ELP1: variants seen among roughly 807,000 people sequenced by gnomAD.
The protein encoded by ELP1 is elongator acetyltransferase complex subunit 1.
In ELP1, 131 loss-of-function variants were observed where a neutral mutation model predicts 183.2. The observed-to-expected ratio is 0.72, with a 90% confidence interval of 0.62 to 0.83. The LOEUF is 0.83. Among genes scored for constraint, ELP1 ranks in the 40% least tolerant of loss-of-function variants. ELP1 has a pLI of 0.00. For missense variants in ELP1, 1,550 were observed against 1,594.9 expected (o/e 0.97, Z 0.48); for synonymous variants, 555 against 569.0 (o/e 0.98, Z 0.35).
intron 16 of ELP1, 59 bp downstream of exon 16, chr9:108,902,780 A>T: frequency 1.6e-6 from 2 of 1,272,804 alleles, no homozygotes; most frequent in Non-Finnish European, 2.3e-6. Flanking sequence ...CTTTCTACTT[A>T]ATGCCATCAG....
In ELP1 at chr9:108,877,698, T is replaced by C. The variant is rs1342795690; in HGVS notation, c.3855+297A>G. Among the ~76,000 whole-genome samples the C allele has an allele frequency of 2.0e-5, 3 of 152,030 alleles. 1 individual carries two copies. The highest frequency in any genetic ancestry group is 2.0e-4 in the Admixed American group (3 of 15,252). On this transcript the variant is annotated intron_variant, in intron 35 of 36. Transcript: ENST00000374647. ...CTCTGACCCCATCTTCCCCCATCTC[T>C]CCCCACTCCAACCTCATTGAAGGCC...
In ELP1 at chr9:108,878,262, T is replaced by C. The variant is rs934044357; in HGVS notation, c.3701-113A>G. ...TTTCTATGATCCCACTGCAGGTCCT[T>C]TCTCCCACATTATCTTTTTTCTTCC... On this transcript the variant is annotated intron_variant, in intron 34 of 36. Coordinates refer to ENST00000374647, the MANE Select transcript of ELP1 (RefSeq NM_003640.5). 4.8e-6 allele frequency: 4 copies of C among 835,240 alleles called. No individual in the cohort carries two copies. The African/African-American group carries it at 6.8e-5, about 14-fold the overall frequency. The allele number at this position is 835,240 out of a possible 1,614,324, so 51.7% of individuals were successfully genotyped here.
chr9:108,880,187 T>C (rs1035572109), intron 31 of ELP1, 22 bp from the exon 32 acceptor site: 3 of 1,489,220 alleles, frequency 2.0e-6, no homozygotes, highest in Non-Finnish European at 2.8e-6. Flanking sequence ...GAATGGAAAA[T>C]AGTTTGAGCA....
chr9:108,929,328 T>A (rs1406838452), intron 3 of ELP1, among the ~76,000 whole-genome samples: 2 of 152,224 alleles, frequency 1.3e-5, no homozygotes, highest in Non-Finnish European at 2.9e-5. Context: ...GTGCAGGTAA[T>A]GACAATGTAT....
At chr9:108,889,524 C>T (rs1828245102) in intron 28 of ELP1, 131 bp from the exon 29 acceptor site, 3 of 806,950 alleles carry the variant, frequency 3.7e-6, no homozygotes, top group African/African-American at 1.7e-5. Context: ...TAGGTATATA[C>T]ACCACAGAGT....
At chr9:108,909,582 G>A (rs1829137966) in intron 12 of ELP1, among the ~76,000 whole-genome samples, 1 of 152,154 alleles carries the variant, frequency 6.6e-6, no homozygotes, top group African/African-American at 2.4e-5. Flanking sequence ...TCTCCCCAGT[G>A]GGTTCTTTAA....
At chr9:108,926,069 C>T (rs1751362350) in intron 5 of ELP1, among the ~76,000 whole-genome samples, 1 of 152,216 alleles carries the variant, frequency 6.6e-6, no homozygotes, top group Admixed American at 6.5e-5. Flanking sequence ...TCCTGCACTG[C>T]CCTTCAATAC....
intron 20 of ELP1, among the ~76,000 whole-genome samples, chr9:108,899,124 C>T (rs1828671018): frequency 1.3e-5 from 2 of 150,240 alleles, no homozygotes; most frequent in South Asian, 4.2e-4. Context: ...TGGTGAAACC[C>T]TGTCTCTACT....
chr9:108,928,574 T>TG (rs1244380869), intron 3 of ELP1, among the ~76,000 whole-genome samples: 2 of 151,550 alleles, frequency 1.3e-5, no homozygotes, highest in Admixed American at 6.6e-5. Flanking sequence ...ACAGGAACAA[T>TG]GGGGGGATGA....
At chr9:108,896,089 C>T (rs1045719049) in intron 25 of ELP1, among the ~76,000 whole-genome samples, 1 of 152,088 alleles carries the variant, frequency 6.6e-6, no homozygotes, top group Non-Finnish European at 1.5e-5. Context: ...AACCCTGTCT[C>T]TACTAAAAAT....
intron 8 of ELP1, 47 bp from the exon 9 acceptor site, chr9:108,917,717 A>G (rs763611759): frequency 1.7e-5 from 27 of 1,605,064 alleles, no homozygotes; most frequent in Non-Finnish European, 2.2e-5. Flanking sequence ...TCACCTAACT[A>G]AAGAATAGAT....
At chr9:108,875,278 G>A (rs1366439832) in intron 35 of ELP1, among the ~76,000 whole-genome samples, 2 of 152,222 alleles carry the variant, frequency 1.3e-5, no homozygotes, top group Non-Finnish European at 2.9e-5. Flanking sequence ...TGAGGAAAGG[G>A]AAAAGAGTAA....
Position 108,908,019 on chromosome 9 carries a change from A to G in ELP1, c.1460+286T>C, listed in dbSNP as rs76814293. Among the ~76,000 whole-genome samples the G allele has an allele frequency of 2.0e-3, 297 of 152,302 alleles. 2 individuals are homozygous for G. The highest frequency in any genetic ancestry group is 6.7e-3 in the African/African-American group (280 of 41,558). ...AATGCAGCTCCGCCTTATCATTGTC[A>G]TCTCCATCTTTCCCACATGATTTTT... On this transcript the variant is annotated intron_variant, in intron 13 of 36. Transcript: ENST00000374647.
intron 33 of ELP1, 48 bp downstream of exon 33, chr9:108,879,398 C>T (rs762634390): frequency 2.1e-6 from 3 of 1,399,294 alleles, no homozygotes; most frequent in Non-Finnish European, 3.0e-6. Context: ...TCCACTTTCC[C>T]TATATGCCCA....
chr9:108,878,521 T>A, intron 34 of ELP1, 102 bp downstream of exon 34: 1 of 1,490,166 alleles, frequency 6.7e-7, no homozygotes, highest in Middle Eastern at 1.7e-4. Context: ...TTTCCTCAAA[T>A]TGGGAAAATG....
chr9:108,882,036 A>T (rs1827948745), intron 30 of ELP1, 89 bp downstream of exon 30: 2 of 1,075,216 alleles, frequency 1.9e-6, no homozygotes, highest in Admixed American at 3.4e-5. Context: ...CATGAACCTC[A>T]GAAGACAAGA....
At position 108,867,668 on chromosome 9, in the gene ELP1, A is replaced by G. The variant is rs1393085888; in HGVS notation, c.*1447T>C. On this transcript the variant is annotated 3_prime_UTR_variant, in exon 37 of 37. Transcript: ENST00000374647. ...TACAAAGTACTTGCAGCCTTTCAATATTGGGCACTTAATTACAGCAAACCC... is the reference window on the plus strand; with the variant it reads ...TACAAAGTACTTGCAGCCTTTCAATGTTGGGCACTTAATTACAGCAAACCC... The G allele has an allele frequency of 6.6e-6, 1 of 152,222 alleles. No individual in the cohort carries two copies. The highest frequency in any genetic ancestry group is 1.5e-5 in the Non-Finnish European group (1 of 68,038). The allele number at this position is 152,222 out of a possible 1,614,324, so 9.4% of individuals were successfully genotyped here.
In ELP1 at chr9:108,867,522, A is replaced by G. The variant is rs889003068; in HGVS notation, c.*1593T>C. Reference sequence around the variant, plus strand: ...GTCCAGGAAAATTCACACCATTATCAATAAACACATTTACTTCTATTTCCA... The same window carrying G: ...GTCCAGGAAAATTCACACCATTATCGATAAACACATTTACTTCTATTTCCA... On this transcript the variant is annotated 3_prime_UTR_variant, in exon 37 of 37. Transcript: ENST00000374647. The G allele has an allele frequency of 2.0e-5, 3 of 152,238 alleles. No individual in the cohort carries two copies. Among genetic ancestry groups the G allele is most frequent in the Non-Finnish European group, 4.4e-5 (3 of 68,036 alleles). 9.4% of individuals were successfully genotyped at this position (152,238 alleles called of 1,614,324 possible). A position where few individuals can be genotyped will look rare whatever the true frequency, so the allele number is the denominator to read the frequency against.
At position 108,901,526 on chromosome 9, in the gene ELP1, G is replaced by A. The variant is rs144370288; in HGVS notation, c.1913C>T (p.Ala638Val). Residue 638 changes from alanine to valine, a missense_variant, in exon 18 of 37, where the codon GCG becomes GTG. Ala to Val is a moderately conservative substitution (Grantham distance 64). Coordinates refer to ENST00000374647, the MANE Select transcript of ELP1 (RefSeq NM_003640.5). ...CRFFINDIEV[A>V]SNITSFAVYD... ...TACTGCAAATGACGTGATATTTGAC[G>A]CAACCTGCAAGAGAAGGCCAGAGAG... 183 of 1,613,586 alleles carry A rather than the reference G, an allele frequency of 1.1e-4. No homozygotes were observed. In the African/African-American group the frequency reaches 1.5e-3, roughly 13 times the overall value.
Sources: gnomAD v4.1 joint callset for allele counts (sites outside exome capture counted in the v4.1 genomes callset) on GRCh38, gnomAD v4.1.1 for gene constraint, MANE v1.5 for transcripts, NCBI Gene and HGNC (gene_info 2026-07-23, HGNC 2026-07-21) for gene names.